Variants in PLS3 observed in about 807,000 individuals in gnomAD.
PLS3 encodes plastin-3.
Under a neutral mutation model 46.5 loss-of-function variants are expected in PLS3, and 11 were observed. The observed-to-expected ratio is 0.24, with a 90% CI of 0.15 to 0.39. The LOEUF (loss-of-function observed/expected upper bound fraction) is 0.39, where lower values mean the gene tolerates loss of function less well. Ranked by LOEUF, PLS3 falls within the 10% of genes least tolerant of loss-of-function variation. PLS3 has a pLI of 1.00. For synonymous variants in PLS3, 167 were observed against 162.2 expected (o/e 1.03, Z -0.22); for missense variants, 308 against 461.8 (o/e 0.67, Z 3.05).
intron 1 of PLS3, among the ~76,000 whole-genome samples, chrX:115,605,356 A>G (rs933818458): frequency 1.8e-5 from 2 of 112,467 alleles, no homozygotes; most frequent in Non-Finnish European, 3.8e-5. Flanking sequence ...AAACTTGAAA[A>G]TTTTAAAATA....
intron 1 of PLS3, among the ~76,000 whole-genome samples, chrX:115,596,795 C>T: frequency 9.1e-6 from 1 of 110,124 alleles, no homozygotes; most frequent in East Asian, 2.9e-4. Context: ...TGAGATAGAG[C>T]CACTGCACTC....
chrX:115,628,990 G>C (rs2074738226), intron 3 of PLS3, among the ~76,000 whole-genome samples: 1 of 111,653 alleles, frequency 9.0e-6, no homozygotes. Context: ...TTTGACAAGT[G>C]TGTGCAATTG....
At position 115,610,165 on chromosome X, in the gene PLS3, C is replaced by T. The variant is rs115844382; in HGVS notation, c.-8-78C>T. 0.011 allele frequency: 4,803 copies of T among 434,879 alleles called. 171 individuals carry two copies. The highest frequency in any genetic ancestry group is 0.11 in the African/African-American group (4,339 of 39,294). 35.8% of individuals were successfully genotyped at this position (434,879 alleles called of 1,213,427 possible). A position where few individuals can be genotyped will look rare whatever the true frequency, so the allele number is the denominator to read the frequency against. ...GTTTGAAATTCTGTTTAAATTATCCCTAAGATGAGAACTTAGCAAGAGTGC... is the reference window on the plus strand; with the variant it reads ...GTTTGAAATTCTGTTTAAATTATCCTTAAGATGAGAACTTAGCAAGAGTGC... On this transcript the variant is annotated intron_variant, in intron 1 of 15. Coordinates refer to ENST00000355899, the MANE Select transcript of PLS3 (RefSeq NM_005032.7).
intron 1 of PLS3, among the ~76,000 whole-genome samples, chrX:115,570,224 C>T (rs1262774518): frequency 6.3e-5 from 7 of 110,832 alleles, no homozygotes; most frequent in Non-Finnish European, 1.1e-4. Flanking sequence ...CATGAGCCAC[C>T]GCGCCTGGGC....
chrX:115,644,331 T>C (rs1298598846), intron 10 of PLS3, among the ~76,000 whole-genome samples: 1 of 110,887 alleles, frequency 9.0e-6, no homozygotes, highest in African/African-American at 3.3e-5. Flanking sequence ...GCGCGGTGGC[T>C]CACGACTGTA....
At chrX:115,607,782 C>T (rs782770565) in intron 1 of PLS3, among the ~76,000 whole-genome samples, 1 of 112,051 alleles carries the variant, frequency 8.9e-6, no homozygotes, top group Non-Finnish European at 1.9e-5. Context: ...GGATTACAGG[C>T]GTGAGCCAGT....
chrX:115,644,781 A>C (rs2074934556), intron 10 of PLS3, among the ~76,000 whole-genome samples: 3 of 111,150 alleles, frequency 2.7e-5, no homozygotes, highest in Non-Finnish European at 5.7e-5. Context: ...ATAAACCTCT[A>C]AATTGCTTAA....
intron 9 of PLS3, among the ~76,000 whole-genome samples, chrX:115,642,009 C>CT (rs2074902187): frequency 4.2e-5 from 4 of 96,156 alleles, no homozygotes; most frequent in Non-Finnish European, 8.4e-5. Context: ...TGTCCTTCAT[C>CT]TTTTTCAGCT....
intron 1 of PLS3, among the ~76,000 whole-genome samples, chrX:115,597,811 A>G (rs868985053): frequency 1.8e-5 from 2 of 111,715 alleles, no homozygotes; most frequent in Non-Finnish European, 3.8e-5. Flanking sequence ...GTATATAATA[A>G]TGCCTCATGA....
At chrX:115,613,475 C>A (rs1371150014) in intron 2 of PLS3, among the ~76,000 whole-genome samples, 7 of 111,448 alleles carry the variant, frequency 6.3e-5, no homozygotes, top group Non-Finnish European at 1.3e-4. Flanking sequence ...TAAAAGAACA[C>A]CAGTGCATAT....
Position 115,646,384 on chromosome X carries a change from A to T in PLS3, c.1378-18A>T. The T allele has an allele frequency of 8.3e-6, 10 of 1,204,889 alleles. No homozygotes were observed. Among genetic ancestry groups the T allele is most frequent in the Non-Finnish European group, 1.0e-5 (9 of 890,183 alleles). On this transcript the variant is annotated intron_variant, in intron 12 of 15. Transcript: ENST00000355899. The stretch of plus-strand genomic sequence containing the variant: ...AACAAATGGAAGTCTTTAACCATTT[A>T]CTCTTGTGCCTTTGCAGCTAGAAAA...
chrX:115,576,656 T>C (rs1285007331), intron 1 of PLS3, among the ~76,000 whole-genome samples: 1 of 111,124 alleles, frequency 9.0e-6, no homozygotes, highest in Non-Finnish European at 1.9e-5. Context: ...TACTCTGTCA[T>C]TATTTTCCAG....
intron 10 of PLS3, among the ~76,000 whole-genome samples, chrX:115,644,713 G>A (rs1333983856): frequency 1.8e-5 from 2 of 111,265 alleles, no homozygotes; most frequent in Non-Finnish European, 3.8e-5. Context: ...TTACTTTGAG[G>A]GATGCAGATT....
At chrX:115,610,984 AGAAAACAGGGT>A (rs2147490673) in intron 2 of PLS3, 1 of 550,273 alleles carries the variant, frequency 1.8e-6, no homozygotes, top group East Asian at 3.7e-5. Flanking sequence ...GACAATAATG[AGAAAACAGGGT>A]GAGAACAGCC....
At chrX:115,623,514 C>T (rs1556637990) in intron 3 of PLS3, among the ~76,000 whole-genome samples, 3 of 111,552 alleles carry the variant, frequency 2.7e-5, no homozygotes, top group Non-Finnish European at 5.6e-5. Flanking sequence ...GAGCAAGACC[C>T]TGTCTCTAAA....
intron 3 of PLS3, among the ~76,000 whole-genome samples, chrX:115,623,699 T>G (rs782560642): frequency 9.0e-5 from 10 of 111,595 alleles, no homozygotes; most frequent in African/African-American, 3.3e-4. Context: ...GCCTAATATT[T>G]ATCACAAATG....
chrX:115,611,637 T>A (rs1342079301), intron 2 of PLS3, among the ~76,000 whole-genome samples: 2 of 112,010 alleles, frequency 1.8e-5, no homozygotes, highest in African/African-American at 6.5e-5. Context: ...TATTAAGTAC[T>A]CATCTCCTCA....
intron 1 of PLS3, among the ~76,000 whole-genome samples, chrX:115,592,512 GC>G (rs1441677273): frequency 1.1e-4 from 12 of 111,488 alleles, no homozygotes; most frequent in Admixed American, 1.1e-3. Flanking sequence ...TTATGAACTT[GC>G]CCTATGTCAG....
chrX:115,585,625 C>T (rs782240381), intron 1 of PLS3, among the ~76,000 whole-genome samples: 2 of 110,710 alleles, frequency 1.8e-5, no homozygotes, highest in African/African-American at 6.6e-5. Flanking sequence ...CTCCTGACCT[C>T]GTGATTTGCC....
Sources: gnomAD v4.1 joint callset for allele counts (sites outside exome capture counted in the v4.1 genomes callset) on GRCh38, gnomAD v4.1.1 for gene constraint, MANE v1.5 for transcripts, NCBI Gene and HGNC (gene_info 2026-07-23, HGNC 2026-07-21) for gene names.